THSD7A: variants seen among roughly 807,000 people sequenced by gnomAD.
The protein encoded by THSD7A is thrombospondin type 1 domain containing 7A, also known as thrombospondin type-1 domain-containing protein 7A.
Under a neutral mutation model 231.3 loss-of-function variants are expected in THSD7A, and 96 were observed. The observed-to-expected ratio is 0.41, with a 90% CI of 0.35 to 0.49. The LOEUF (loss-of-function observed/expected upper bound fraction) is 0.49, where lower values mean the gene tolerates loss of function less well. Ranked by LOEUF, THSD7A falls within the 20% of genes least tolerant of loss-of-function variation. THSD7A has a pLI of 0.05. For synonymous variants in THSD7A, 940 were observed against 743.3 expected (o/e 1.26, Z -4.30); for missense variants, 2,290 against 2,070.2 (o/e 1.11, Z -2.06).
chr7:11,759,038 G>A (rs2355080), intron 1 of THSD7A, among the ~76,000 whole-genome samples: 151,783 of 152,152 alleles, frequency 1, 75,718 homozygotes, highest in Middle Eastern at 1. Context: ...GGGACCTGGA[G>A]AAAGTAAACA....
chr7:11,764,372 G>A (rs2128169273), intron 1 of THSD7A, among the ~76,000 whole-genome samples: 1 of 152,246 alleles, frequency 6.6e-6, no homozygotes, highest in East Asian at 1.9e-4. Flanking sequence ...ACGAGGTCAG[G>A]AGATCGAGAC....
intron 1 of THSD7A, among the ~76,000 whole-genome samples, chr7:11,784,338 T>C (rs2128175742): frequency 6.6e-6 from 1 of 151,952 alleles, no homozygotes; most frequent in African/African-American, 2.4e-5. Flanking sequence ...TTTTTGAAAC[T>C]GATGAAAAAT....
chr7:11,827,026 C>T (rs1785052440), intron 1 of THSD7A, among the ~76,000 whole-genome samples: 1 of 151,868 alleles, frequency 6.6e-6, no homozygotes, highest in African/African-American at 2.4e-5. Flanking sequence ...TTTTTAGAGA[C>T]AGGATCTTGC....
intron 1 of THSD7A, among the ~76,000 whole-genome samples, chr7:11,718,944 T>TA (rs199862095): frequency 2.0e-5 from 3 of 150,908 alleles, no homozygotes; most frequent in African/African-American, 7.3e-5. Context: ...AAAAAGGAAA[T>TA]AAAAAAAAGC....
At chr7:11,543,508 T>C (rs1409610875) in intron 4 of THSD7A, among the ~76,000 whole-genome samples, 2 of 152,164 alleles carry the variant, frequency 1.3e-5, no homozygotes, top group African/African-American at 2.4e-5. Context: ...AGGGGGACTA[T>C]AGCTTCAACA....
At chr7:11,392,008 G>A (rs1371244301) in intron 23 of THSD7A, among the ~76,000 whole-genome samples, 1 of 152,088 alleles carries the variant, frequency 6.6e-6, no homozygotes, top group Non-Finnish European at 1.5e-5. Flanking sequence ...CATTGATCTC[G>A]CTGGGATCTG....
At position 11,460,692 on chromosome 7, in the gene THSD7A, C is replaced by T. The variant is rs1304023690; in HGVS notation, c.2575G>A (p.Glu859Lys). 1 of 1,611,848 alleles carries T rather than the reference C, an allele frequency of 6.2e-7. No individual in the cohort carries two copies. The highest frequency in any genetic ancestry group is 1.3e-5 in the African/African-American group (1 of 75,000). Residue 859 changes from glutamate (E) to lysine (K), a missense_variant, in exon 11 of 28, where the codon GAA becomes AAA. By Grantham distance (56) the Glu-to-Lys change is moderately conservative. Coordinates refer to ENST00000423059, the MANE Select transcript of THSD7A (RefSeq NM_015204.3). Reference protein sequence around the residue: ...SVQQDSPGAQEGCGPGRQARA... With the variant: ...SVQQDSPGAQKGCGPGRQARA... ...GCCTGTCGCCCAGGCCCACAGCCTTCCTGTGCTCCAGGGCTGTCTTGTTGC... is the reference window on the plus strand; with the variant it reads ...GCCTGTCGCCCAGGCCCACAGCCTTTCTGTGCTCCAGGGCTGTCTTGTTGC...
In THSD7A at chr7:11,371,200, T is replaced by C. The variant is rs1782039510; in HGVS notation, c.*4594A>G. 6.6e-6 allele frequency: 1 copy of C among 152,220 alleles called. No homozygotes were observed. The highest frequency in any genetic ancestry group is 2.1e-4 in the South Asian group (1 of 4,836). The allele number at this position is 152,220 out of a possible 1,614,324, so 9.4% of individuals were successfully genotyped here. A position where few individuals can be genotyped will look rare whatever the true frequency, so the allele number is the denominator to read the frequency against. On this transcript the variant is annotated 3_prime_UTR_variant, in exon 28 of 28. Transcript: ENST00000423059. ...ATAATGTAGACATAACCATTTTTCA[T>C]TGTCCCTGCTAGATATAAAATTATT... is the stretch of plus-strand genomic sequence containing the variant.
rs139929488 is a variant in THSD7A, at chr7:11,452,495, A to G, written c.2606-5071T>C. 1.3e-3 allele frequency among the ~76,000 whole-genome samples: 198 copies of G among 152,138 alleles called. 1 individual carries two copies. Among genetic ancestry groups the G allele is most frequent in the Middle Eastern group, 0.01 (3 of 294 alleles). ...TACCTTCATTTTTGATTGATCCTAAATAGTTACCAATGATCCCCAGTCTCA... is the reference window on the plus strand; with the variant it reads ...TACCTTCATTTTTGATTGATCCTAAGTAGTTACCAATGATCCCCAGTCTCA... On this transcript the variant is annotated intron_variant, in intron 11 of 27. Transcript: ENST00000423059.
At position 11,371,939 on chromosome 7, in the gene THSD7A, T is replaced by G. The variant is rs1042142519; in HGVS notation, c.*3855A>C. ...TTGGGCATGTTTAGTGGGAAGTAGG[T>G]AAGAATAGCTGTCAAGAGTAGAAAG... On this transcript the variant is annotated 3_prime_UTR_variant, in exon 28 of 28. Coordinates refer to ENST00000423059, the MANE Select transcript of THSD7A (RefSeq NM_015204.3). 4 of 151,530 alleles carry G rather than the reference T, an allele frequency of 2.6e-5. No individual in the cohort carries two copies. The highest frequency in any genetic ancestry group is 4.4e-5 in the Non-Finnish European group (3 of 67,920). The allele number at this position is 151,530 out of a possible 1,614,324, so 9.4% of individuals were successfully genotyped here.
intron 4 of THSD7A, among the ~76,000 whole-genome samples, chr7:11,575,913 T>A (rs1790880701): frequency 6.6e-6 from 1 of 152,192 alleles, no homozygotes; most frequent in Non-Finnish European, 1.5e-5. Flanking sequence ...ACAGTTACAG[T>A]GTCTTTTTTA....
At chr7:11,589,538 A>G (rs1267302420) in intron 4 of THSD7A, among the ~76,000 whole-genome samples, 1 of 152,092 alleles carries the variant, frequency 6.6e-6, no homozygotes, top group Non-Finnish European at 1.5e-5. Context: ...ATTGCATTTT[A>G]ATTACTGGTT....
intron 1 of THSD7A, among the ~76,000 whole-genome samples, chr7:11,805,113 G>T (rs1469158292): frequency 6.6e-6 from 1 of 152,044 alleles, no homozygotes; most frequent in African/African-American, 2.4e-5. Flanking sequence ...AGCCTCTACT[G>T]TGTCCCTGAG....
rs777548094 is a variant in THSD7A at position 11,379,225 on chromosome 7, G to A, written c.4646C>T (p.Thr1549Ile). Residue 1549 changes from threonine (T) to isoleucine (I), a missense_variant, in exon 26 of 28, where the codon ACC (threonine) becomes ATC (isoleucine). Thr to Ile is a moderately conservative substitution (Grantham distance 89, BLOSUM62 -1). Transcript: ENST00000423059. Reference sequence around the variant, plus strand: ...GGGGATAAGTGTGCATTGCTCAAGGGTGCTGTTAGAAGACATGACTTCAGT... The same window carrying A: ...GGGGATAAGTGTGCATTGCTCAAGGATGCTGTTAGAAGACATGACTTCAGT... ...GYTEVMSSNS[T>I]LEQCTLIPVV... 13 of 1,613,514 alleles carry A rather than the reference G, an allele frequency of 8.1e-6. No homozygotes were observed. Among genetic ancestry groups the A allele is most frequent in the Admixed American group, 1.7e-5 (1 of 59,976 alleles).
At chr7:11,710,291 T>A (rs772115078) in intron 1 of THSD7A, among the ~76,000 whole-genome samples, 19 of 150,452 alleles carry the variant, frequency 1.3e-4, no homozygotes, top group Non-Finnish European at 2.4e-4. Context: ...GAAAAGAAAA[T>A]TAGAGCTATT....
chr7:11,759,011 C>CTAATT (rs1782774332), intron 1 of THSD7A, among the ~76,000 whole-genome samples: 2 of 151,992 alleles, frequency 1.3e-5, no homozygotes, highest in Admixed American at 6.6e-5. Context: ...TAAATTGCCC[C>CTAATT]TTCTGGTAAG....
intron 4 of THSD7A, among the ~76,000 whole-genome samples, chr7:11,565,985 T>A (rs1298494120): frequency 6.6e-6 from 1 of 152,174 alleles, no homozygotes; most frequent in African/African-American, 2.4e-5. Context: ...AGGCTAAGCA[T>A]GAAGGCTGCT....
intron 4 of THSD7A, among the ~76,000 whole-genome samples, chr7:11,583,378 G>C (rs968147796): frequency 6.6e-6 from 1 of 152,124 alleles, no homozygotes; most frequent in Non-Finnish European, 1.5e-5. Flanking sequence ...CTGGGCTCAA[G>C]AGATCCTCTT....
At chr7:11,786,468 G>A (rs923783797) in intron 1 of THSD7A, among the ~76,000 whole-genome samples, 2 of 151,864 alleles carry the variant, frequency 1.3e-5, no homozygotes, top group African/African-American at 4.8e-5. Flanking sequence ...GCACTGTCTT[G>A]CAACAGTAAG....
Sources: allele counts gnomAD v4.1 joint callset (sites outside exome capture counted in the v4.1 genomes callset), GRCh38; gene constraint gnomAD v4.1.1; transcripts MANE v1.5; gene names NCBI Gene and HGNC (gene_info 2026-07-23, HGNC 2026-07-21).